The following STK32A variants were observed in gnomAD, a reference collection of about 807,000 sequenced individuals.
The protein encoded by STK32A is serine/threonine-protein kinase 32A.
Under a neutral mutation model 53.2 loss-of-function variants are expected in STK32A, and 41 were observed. The observed-to-expected ratio is 0.77, with a 90% CI of 0.60 to 1.00. The LOEUF (loss-of-function observed/expected upper bound fraction) is 1.00, where lower values mean the gene tolerates loss of function less well. Among genes scored for constraint, STK32A ranks in the 50% least tolerant of loss-of-function variants. The pLI, the probability that STK32A is intolerant of heterozygous loss-of-function variation, is 0.00. For missense variants in STK32A, 458 were observed against 485.8 expected (o/e 0.94, Z 0.54); for synonymous variants, 166 against 162.8 (o/e 1.02, Z -0.15).
chr5:147,374,227 G>A (rs1757132700), intron 10 of STK32A, among the ~76,000 whole-genome samples: 1 of 143,584 alleles, frequency 7.0e-6, no homozygotes, highest in Admixed American at 7.4e-5. Flanking sequence ...GTTTGAGGCT[G>A]CATGAGCAGT....
intron 2 of STK32A, among the ~76,000 whole-genome samples, chr5:147,261,852 G>C (rs1040421224): frequency 6.6e-6 from 1 of 151,828 alleles, no homozygotes; most frequent in Non-Finnish European, 1.5e-5. Context: ...TTTGGAAAAG[G>C]CATGTATTCA....
intron 4 of STK32A, 24 bp from the exon 5 acceptor site, chr5:147,323,874 T>A: frequency 6.3e-7 from 1 of 1,594,240 alleles, no homozygotes; most frequent in East Asian, 2.2e-5. Flanking sequence ...ATTTGATAAG[T>A]TTTCTCTTCT....
chr5:147,259,937 GTC>G (rs1232837231), intron 2 of STK32A, among the ~76,000 whole-genome samples: 1 of 101,900 alleles, frequency 9.8e-6, no homozygotes, highest in African/African-American at 4.7e-5. Context: ...ACTCCTGGCT[GTC>G]TCTCTCTCTC....
In STK32A at chr5:147,298,884, G is replaced by T. The variant is rs112869121; in HGVS notation, c.260+19486G>T. ...ATCCCGCAGAGTTAAGAATGTGTAT[G>T]GCTTGAATAAAGTCTGAATCCTCAA... On this transcript the variant is annotated intron_variant, in intron 4 of 12. Transcript: ENST00000397936. Among the ~76,000 whole-genome samples the T allele has an allele frequency of 5.4e-3, 827 of 152,316 alleles. 11 individuals are homozygous for T. Among genetic ancestry groups the T allele is most frequent in the African/African-American group, 0.019 (794 of 41,566 alleles).
At chr5:147,343,574 G>A (rs191425921) in intron 6 of STK32A, among the ~76,000 whole-genome samples, 26 of 152,294 alleles carry the variant, frequency 1.7e-4, no homozygotes, top group Admixed American at 1.4e-3. Context: ...TCATTGTAAA[G>A]ACTGACCTAA....
the STK32A span, chr5:147,394,149 G>C: frequency 6.2e-7 from 1 of 1,608,502 alleles, no homozygotes; most frequent in Non-Finnish European, 8.5e-7. Context: ...AATTCCCAGG[G>C]GGAAAAAAAA....
chr5:147,363,753 G>A (rs1197193554), intron 8 of STK32A, among the ~76,000 whole-genome samples: 1 of 152,174 alleles, frequency 6.6e-6, no homozygotes, highest in Middle Eastern at 3.2e-3. Context: ...CTACACTCTA[G>A]TGTGCTCTTC....
chr5:147,258,188 T>C (rs897956775), intron 2 of STK32A, among the ~76,000 whole-genome samples: 3 of 119,248 alleles, frequency 2.5e-5, no homozygotes, highest in African/African-American at 9.8e-5. Context: ...AGCAGGTTAG[T>C]GCTTTAAGAA....
At chr5:147,263,971 C>A (rs560727161) in intron 2 of STK32A, among the ~76,000 whole-genome samples, 2 of 152,178 alleles carry the variant, frequency 1.3e-5, no homozygotes, top group East Asian at 3.9e-4. Flanking sequence ...AAGAATCAGG[C>A]ATCAAAGTAG....
intron 6 of STK32A, among the ~76,000 whole-genome samples, chr5:147,348,054 C>T (rs1247678801): frequency 6.6e-6 from 1 of 152,208 alleles, no homozygotes; most frequent in African/African-American, 2.4e-5. Flanking sequence ...TGTGATACAG[C>T]ACACAAAGTT....
At chr5:147,325,422 G>A (rs1157868335) in intron 5 of STK32A, among the ~76,000 whole-genome samples, 2 of 151,956 alleles carry the variant, frequency 1.3e-5, no homozygotes, top group African/African-American at 4.8e-5. Flanking sequence ...CAAAATTCTG[G>A]GATTACAGGA....
intron 4 of STK32A, among the ~76,000 whole-genome samples, chr5:147,307,145 G>A (rs1313651378): frequency 2.6e-5 from 4 of 151,780 alleles, no homozygotes; most frequent in Non-Finnish European, 5.9e-5. Context: ...TATATGGAAT[G>A]AGCTGTGAAA....
chr5:147,282,034 A>T (rs981764018), intron 4 of STK32A, among the ~76,000 whole-genome samples: 13 of 152,312 alleles, frequency 8.5e-5, no homozygotes, highest in Middle Eastern at 3.4e-3. Flanking sequence ...AGATACAGTC[A>T]TTTTCAGACA....
intron 4 of STK32A, among the ~76,000 whole-genome samples, chr5:147,323,482 G>A (rs1198914310): frequency 6.6e-6 from 1 of 152,082 alleles, no homozygotes; most frequent in Non-Finnish European, 1.5e-5. Context: ...TAGAAAAATG[G>A]GCATGAGGAT....
intron 1 of STK32A, 93 bp from the exon 2 acceptor site, chr5:147,239,446 A>C: frequency 2.0e-6 from 1 of 502,156 alleles, no homozygotes; most frequent in Non-Finnish European, 3.6e-6. Context: ...CACTACAGTG[A>C]TACAGATGAG....
At chr5:147,365,576 C>T (rs1756705647) in intron 8 of STK32A, among the ~76,000 whole-genome samples, 1 of 151,570 alleles carries the variant, frequency 6.6e-6, no homozygotes, top group Admixed American at 6.6e-5. Flanking sequence ...AGAAGAGAAA[C>T]ATACACTTAC....
chr5:147,342,493 CA>C (rs1346648444), intron 5 of STK32A: 1 of 154,662 alleles, frequency 6.5e-6, no homozygotes, highest in Non-Finnish European at 1.4e-5. Flanking sequence ...TTAGGCAAAG[CA>C]ACAGCAGGTG....
At chr5:147,243,709 C>A (rs1223963488) in intron 2 of STK32A, among the ~76,000 whole-genome samples, 1 of 144,624 alleles carries the variant, frequency 6.9e-6, no homozygotes, top group African/African-American at 2.6e-5. Flanking sequence ...CCACTGCACT[C>A]CAGCCTGGCA....
intron 2 of STK32A, among the ~76,000 whole-genome samples, chr5:147,263,527 T>C (rs35011974): frequency 0.3 from 45,010 of 151,572 alleles, 7,022 homozygotes; most frequent in African/African-American, 0.36. Flanking sequence ...AAAAAACAAA[T>C]AACCAGACAA....
Sources: gnomAD v4.1 joint callset for allele counts (sites outside exome capture counted in the v4.1 genomes callset) on GRCh38, gnomAD v4.1.1 for gene constraint, MANE v1.5 for transcripts, NCBI Gene and HGNC (gene_info 2026-07-23, HGNC 2026-07-21) for gene names.